Variants in EYS observed in about 807,000 individuals in gnomAD.
The protein encoded by EYS is protein eyes shut homolog.
Under a neutral mutation model 282.1 loss-of-function variants are expected in EYS, and 250 were observed. The ratio of observed to expected loss-of-function variants is 0.89; its 90% CI spans 0.80 to 0.98. The LOEUF is 0.98. Ranked by LOEUF, EYS falls within the 50% of genes least tolerant of loss-of-function variation. EYS has a pLI of 0.00. For synonymous variants in EYS, 1,355 were observed against 1,282.9 expected (o/e 1.06, Z -1.20); for missense variants, 4,016 against 3,709.0 (o/e 1.08, Z -2.15).
At chr6:65,331,830 T>C in intron 11 of EYS, 1 of 567,146 alleles carries the variant, frequency 1.8e-6, no homozygotes, top group Non-Finnish European at 2.2e-6. Context: ...CACATATCAG[T>C]AATTCATCTT....
chr6:65,631,680 T>C (rs529223580), intron 2 of EYS, among the ~76,000 whole-genome samples: 2 of 152,298 alleles, frequency 1.3e-5, no homozygotes, highest in South Asian at 4.1e-4. Context: ...CAAGTCTTCT[T>C]TCCATAGAGG....
intron 14 of EYS, among the ~76,000 whole-genome samples, chr6:64,947,046 T>C (rs905711453): frequency 6.6e-6 from 1 of 151,882 alleles, no homozygotes; most frequent in African/African-American, 2.4e-5. Flanking sequence ...TATATACTTA[T>C]AAGCACAATG....
chr6:64,359,896 T>C (rs1771949209), intron 29 of EYS, among the ~76,000 whole-genome samples: 1 of 151,786 alleles, frequency 6.6e-6, no homozygotes, highest in East Asian at 2.0e-4. Flanking sequence ...TCCATAATCA[T>C]CCTCATTTTG....
At chr6:64,678,982 CAA>C (rs71551600) in intron 22 of EYS, among the ~76,000 whole-genome samples, 18 of 80,898 alleles carry the variant, frequency 2.2e-4, no homozygotes, top group South Asian at 3.9e-4. Flanking sequence ...GACTCCCTCT[CAA>C]AAAAAAAAAA....
chr6:64,004,257 GA>G (rs1683783383), intron 33 of EYS, among the ~76,000 whole-genome samples: 3 of 151,696 alleles, frequency 2.0e-5, no homozygotes, highest in African/African-American at 7.3e-5. Flanking sequence ...AAATGTCTAT[GA>G]ATTTTTTTAT....
intron 13 of EYS, among the ~76,000 whole-genome samples, chr6:65,056,010 A>C (rs1773402135): frequency 6.6e-6 from 1 of 152,028 alleles, no homozygotes; most frequent in Admixed American, 6.6e-5. Flanking sequence ...AGTTCAAAGT[A>C]CCTACATAAA....
At chr6:64,348,313 A>G (rs24374) in intron 29 of EYS, among the ~76,000 whole-genome samples, 113,829 of 151,278 alleles carry the variant, frequency 0.75, 43,422 homozygotes, top group African/African-American at 0.89. Context: ...TTTCTCTAGC[A>G]TCATATTTAC....
intron 30 of EYS, among the ~76,000 whole-genome samples, chr6:64,295,815 G>A (rs978285554): frequency 1.3e-5 from 2 of 151,836 alleles, no homozygotes; most frequent in African/African-American, 2.4e-5. Flanking sequence ...GAACTTTCAA[G>A]CATATTTCAG....
chr6:64,693,666 T>G (rs1035279900), intron 22 of EYS, among the ~76,000 whole-genome samples: 18 of 152,138 alleles, frequency 1.2e-4, no homozygotes, highest in African/African-American at 4.3e-4. Context: ...AATGTATTTT[T>G]TAATGGAAAA....
intron 36 of EYS, among the ~76,000 whole-genome samples, chr6:63,813,795 G>A (rs1771108864): frequency 6.6e-6 from 1 of 152,098 alleles, no homozygotes; most frequent in South Asian, 2.1e-4. Flanking sequence ...GAAGCAAGCA[G>A]ATGGTAGGTA....
chr6:63,905,015 C>A (rs76712328), intron 35 of EYS, among the ~76,000 whole-genome samples: 1,803 of 152,292 alleles, frequency 0.012, 43 homozygotes, highest in African/African-American at 0.041. Flanking sequence ...ATTTTTATCA[C>A]CCCAAAGGAA....
chr6:64,217,802 T>C (rs1489334212), intron 31 of EYS, among the ~76,000 whole-genome samples: 1 of 152,072 alleles, frequency 6.6e-6, no homozygotes, highest in East Asian at 1.9e-4. Flanking sequence ...CTTATGAAAG[T>C]TAGAGTTTAT....
intron 33 of EYS, among the ~76,000 whole-genome samples, chr6:64,002,027 C>T (rs1316649588): frequency 6.6e-6 from 1 of 152,250 alleles, no homozygotes; most frequent in African/African-American, 2.4e-5. Flanking sequence ...GTCCCCTATC[C>T]TATGCCCATA....
At chr6:64,441,264 C>A (rs1353814358) in intron 26 of EYS, among the ~76,000 whole-genome samples, 1 of 152,126 alleles carries the variant, frequency 6.6e-6, no homozygotes, top group Non-Finnish European at 1.5e-5. Context: ...CAATAGCCAA[C>A]ACTATTGACA....
intron 1 of EYS, among the ~76,000 whole-genome samples, chr6:65,655,802 T>C (rs1474263430): frequency 6.6e-6 from 1 of 151,824 alleles, no homozygotes; most frequent in Non-Finnish European, 1.5e-5. Context: ...TTTCTTGAGA[T>C]GTAATCTATT....
At position 63,721,012 on chromosome 6, in the gene EYS, C is replaced by A. The variant is rs888739369; in HGVS notation, c.9019G>T (p.Asp3007Tyr). 7 of 1,551,090 alleles carry A rather than the reference C, an allele frequency of 4.5e-6. No individual in the cohort carries two copies. The African/African-American group carries it at 5.5e-5, about 12-fold the overall frequency. ...WMGIAQNEENDFLAIGLHNQT... is the reference protein window; with the variant it reads ...WMGIAQNEENYFLAIGLHNQT... Reference sequence around the variant, plus strand: ...TTATGGAGACCAATTGCCAGAAAATCATTTTCTTCATTTTGAGCTATTCCC... The same window carrying A: ...TTATGGAGACCAATTGCCAGAAAATAATTTTCTTCATTTTGAGCTATTCCC... The change falls in exon 43 of 43, where the codon GAT becomes TAT. Residue 3007 changes from aspartate (D) to tyrosine (Y), a missense_variant. Physicochemically the swap from Asp to Tyr is radical, Grantham distance 160 (BLOSUM62 -3). Transcript: ENST00000503581.
chr6:63,955,377 C>G (rs1381380738), intron 35 of EYS, among the ~76,000 whole-genome samples: 1 of 152,176 alleles, frequency 6.6e-6, no homozygotes, highest in African/African-American at 2.4e-5. Flanking sequence ...ATAAGTCTCT[C>G]TTAAAGTGGA....
At chr6:64,066,999 TAGAGA>T (rs1443925674) in intron 32 of EYS, among the ~76,000 whole-genome samples, 6 of 152,120 alleles carry the variant, frequency 3.9e-5, no homozygotes, top group Non-Finnish European at 7.4e-5. Flanking sequence ...GAGAAATATA[TAGAGA>T]AAAGAGATAA....
At chr6:65,082,325 A>C (rs1230951400) in intron 12 of EYS, among the ~76,000 whole-genome samples, 5 of 152,018 alleles carry the variant, frequency 3.3e-5, no homozygotes, top group African/African-American at 9.7e-5. Context: ...TAAATAAACC[A>C]ATTATTTATG....
Sources: gnomAD v4.1 joint callset for allele counts (sites outside exome capture counted in the v4.1 genomes callset) on GRCh38, gnomAD v4.1.1 for gene constraint, MANE v1.5 for transcripts, NCBI Gene and HGNC (gene_info 2026-07-23, HGNC 2026-07-21) for gene names.